DHRSX: variants seen among roughly 807,000 people sequenced by gnomAD.
DHRSX encodes polyprenol dehydrogenase.
DHRSX carries 31 observed loss-of-function variants against 34.0 expected under a neutral mutation model. That is an observed-to-expected ratio of 0.91 (90% CI 0.69 to 1.23). The LOEUF is 1.23. Ranked by LOEUF, DHRSX falls within the 50% of genes most tolerant of loss-of-function variation. The pLI is 0.00. For synonymous variants in DHRSX, 201 were observed against 183.8 expected (o/e 1.09, Z -0.76); for missense variants, 414 against 428.1 (o/e 0.97, Z 0.29).
chrX:2,459,747 T>C (rs1175466226), intron 1 of DHRSX, among the ~76,000 whole-genome samples: 1 of 151,904 alleles, frequency 6.6e-6, no homozygotes, highest in Non-Finnish European at 1.5e-5. Flanking sequence ...TTCAATACAG[T>C]TTATATGACT....
At chrX:2,484,134 A>G (rs2044820568) in intron 1 of DHRSX, among the ~76,000 whole-genome samples, 1 of 151,974 alleles carries the variant, frequency 6.6e-6, no homozygotes, top group African/African-American at 2.4e-5. Flanking sequence ...CACCATGCCC[A>G]GCTAATGTTT....
At chrX:2,411,296 C>T (rs951747636) in intron 2 of DHRSX, among the ~76,000 whole-genome samples, 2 of 151,918 alleles carry the variant, frequency 1.3e-5, no homozygotes, top group Non-Finnish European at 2.9e-5. Context: ...GTAATCTCAG[C>T]CCTTTGGGAT....
chrX:2,371,860 A>G (rs1432747892), intron 3 of DHRSX, among the ~76,000 whole-genome samples: 3 of 152,154 alleles, frequency 2.0e-5, no homozygotes, highest in Non-Finnish European at 4.4e-5. Flanking sequence ...TGTCACCATC[A>G]TGGGACATCC....
intron 3 of DHRSX, among the ~76,000 whole-genome samples, chrX:2,349,643 C>T (rs1201274156): frequency 1.3e-5 from 2 of 151,872 alleles, no homozygotes; most frequent in Non-Finnish European, 2.9e-5. Context: ...GCTGAGATCA[C>T]GCCACTGCAC....
chrX:2,408,354 G>A (rs1281535019), intron 3 of DHRSX, among the ~76,000 whole-genome samples: 2 of 151,976 alleles, frequency 1.3e-5, no homozygotes, highest in Non-Finnish European at 2.9e-5. Context: ...GATTACAGGC[G>A]CGAGCCACTG....
chrX:2,287,775 A>T (rs1254180787), intron 4 of DHRSX, among the ~76,000 whole-genome samples: 2 of 152,220 alleles, frequency 1.3e-5, no homozygotes, highest in African/African-American at 4.8e-5. Context: ...GGGAAACAGA[A>T]TAATGGCCCC....
intron 3 of DHRSX, among the ~76,000 whole-genome samples, chrX:2,347,597 G>C (rs1350386270): frequency 2.0e-5 from 3 of 152,196 alleles, no homozygotes; most frequent in Admixed American, 6.5e-5. Context: ...AAAAGGCTGA[G>C]GCAGGAGAAT....
chrX:2,407,239 C>T (rs2043567468), intron 3 of DHRSX, among the ~76,000 whole-genome samples: 1 of 152,134 alleles, frequency 6.6e-6, no homozygotes, highest in Non-Finnish European at 1.5e-5. Flanking sequence ...GGCTGAGCGA[C>T]GGATGAACAA....
intron 1 of DHRSX, 163 bp downstream of exon 1, chrX:2,500,654 G>GCC (rs546772121): frequency 2.4e-5 from 3 of 126,672 alleles, no homozygotes; most frequent in East Asian, 4.9e-4. Context: ...CGCGCACGCC[G>GCC]CCCCCCCCCC....
chrX:2,325,546 CA>C (rs2042375452), intron 3 of DHRSX, among the ~76,000 whole-genome samples: 1 of 152,098 alleles, frequency 6.6e-6, no homozygotes, highest in Non-Finnish European at 1.5e-5. Context: ...CTACAAAGCC[CA>C]TTTGCATAAC....
intron 2 of DHRSX, among the ~76,000 whole-genome samples, chrX:2,423,031 A>T (rs1275124335): frequency 6.7e-6 from 1 of 150,134 alleles, no homozygotes; most frequent in African/African-American, 2.4e-5. Flanking sequence ...TTGAACTCTT[A>T]ACCTCAAGTG....
chrX:2,444,537 A>G (rs1229627254), intron 1 of DHRSX, among the ~76,000 whole-genome samples: 1 of 152,196 alleles, frequency 6.6e-6, no homozygotes, highest in African/African-American at 2.4e-5. Flanking sequence ...TTGAACAATT[A>G]CACACATGAG....
chrX:2,433,171 A>G (rs1232929877), intron 1 of DHRSX, among the ~76,000 whole-genome samples: 2 of 152,166 alleles, frequency 1.3e-5, no homozygotes, highest in Non-Finnish European at 2.9e-5. Flanking sequence ...AAAGTAAAAA[A>G]TAAATAATGA....
At chrX:2,371,003 A>G (rs2043051860) in intron 3 of DHRSX, among the ~76,000 whole-genome samples, 1 of 152,094 alleles carries the variant, frequency 6.6e-6, no homozygotes. Flanking sequence ...CTGCGCTCCA[A>G]GAGGCTCCCA....
intron 3 of DHRSX, among the ~76,000 whole-genome samples, chrX:2,353,009 G>A (rs1323404662): frequency 6.6e-6 from 1 of 152,146 alleles, no homozygotes; most frequent in African/African-American, 2.4e-5. Context: ...GGGAAGCCAT[G>A]GCAGGCAAGA....
In DHRSX at chrX:2,500,899, C is replaced by T; in HGVS notation, c.27G>A (p.Ala9=). The T allele has an allele frequency of 8.9e-7, 1 of 1,126,698 alleles. No homozygotes were observed. The highest frequency in any genetic ancestry group is 5.1e-5 in the East Asian group (1 of 19,436). The allele number at this position is 1,126,698 out of a possible 1,614,324, so 69.8% of individuals were successfully genotyped here. Residue 9 remains alanine, a synonymous_variant, in exon 1 of 7, where the codon GCG becomes GCA. Transcript: ENST00000334651. ...CGCCTACCGCGTAGACCCGCAGGGC[C>T]GCCCGCGCCGCAGACAATGGCGACA... MSPLSAAR[A]ALRVYAVGAA...
At chrX:2,356,104 G>A (rs1259165081) in intron 3 of DHRSX, among the ~76,000 whole-genome samples, 21 of 151,246 alleles carry the variant, frequency 1.4e-4, no homozygotes, top group Non-Finnish European at 2.9e-5. Context: ...AGCCGGGTCT[G>A]GTGGTGTGCA....
chrX:2,314,455 G>GAGGAAGGAAGGGGAGAAGGA (rs1443906506), intron 3 of DHRSX, among the ~76,000 whole-genome samples: 1 of 26,788 alleles, frequency 3.7e-5, no homozygotes, highest in Admixed American at 3.8e-4. Context: ...GGGGAGAAGG[G>GAGGAAGGAAGGGGAGAAGGA]AGGAAGGAAG....
At chrX:2,335,559 T>C (rs1326428913) in intron 3 of DHRSX, among the ~76,000 whole-genome samples, 1 of 151,880 alleles carries the variant, frequency 6.6e-6, no homozygotes, top group African/African-American at 2.4e-5. Flanking sequence ...CAAGCCATTC[T>C]CCTGCCTCAG....
Sources: allele counts gnomAD v4.1 joint callset (sites outside exome capture counted in the v4.1 genomes callset), GRCh38; gene constraint gnomAD v4.1.1; transcripts MANE v1.5; gene names NCBI Gene and HGNC (gene_info 2026-07-23, HGNC 2026-07-21).